SLC30A8: variants seen among roughly 807,000 people sequenced by gnomAD.
SLC30A8 encodes the protein proton-coupled zinc antiporter SLC30A8.
SLC30A8 carries 27 observed loss-of-function variants against 36.9 expected under a neutral mutation model. The observed-to-expected ratio is 0.73, with a 90% CI of 0.54 to 1.01. The LOEUF (loss-of-function observed/expected upper bound fraction) is 1.01, where lower values mean the gene tolerates loss of function less well. SLC30A8 is among the 50% of genes least tolerant of loss of function. The pLI, the probability that SLC30A8 is intolerant of heterozygous loss-of-function variation, is 0.00. For missense variants in SLC30A8, 439 were observed against 452.0 expected (o/e 0.97, Z 0.26); for synonymous variants, 164 against 172.4 (o/e 0.95, Z 0.38).
chr8:117,056,499 G>A (rs1817874877), intron 2 of SLC30A8, among the ~76,000 whole-genome samples: 1 of 152,070 alleles, frequency 6.6e-6, no homozygotes. Flanking sequence ...GGCTGGGTAG[G>A]TCCCAGGATA....
Position 117,135,414 on chromosome 8 carries a change from G to A in SLC30A8, c.71+16G>A. ...CACTAGAAAGGTAATAGATGTCTGT[G>A]TCTGCTTCACAATTTTCTCTGTTGA... On this transcript the variant is annotated intron_variant, in intron 1 of 7. Coordinates refer to ENST00000456015, the MANE Select transcript of SLC30A8 (RefSeq NM_173851.3). 6.4e-7 allele frequency: 1 copy of A among 1,558,264 alleles called. No homozygotes were observed. Among genetic ancestry groups the A allele is most frequent in the Non-Finnish European group, 8.7e-7 (1 of 1,144,518 alleles).
At chr8:117,002,436 C>T (rs1816040861) in intron 1 of SLC30A8, among the ~76,000 whole-genome samples, 1 of 152,084 alleles carries the variant, frequency 6.6e-6, no homozygotes, top group South Asian at 2.1e-4. Flanking sequence ...CCAGATCTAA[C>T]ATTGGTTATT....
intron 1 of SLC30A8, among the ~76,000 whole-genome samples, chr8:117,138,004 A>T (rs1283502705): frequency 7.0e-6 from 1 of 142,402 alleles, no homozygotes; most frequent in African/African-American, 2.6e-5. Flanking sequence ...TACCCTCTCC[A>T]TTCTCTCCAA....
At chr8:117,065,485 TAA>T (rs1446056402) in intron 2 of SLC30A8, among the ~76,000 whole-genome samples, 1 of 152,152 alleles carries the variant, frequency 6.6e-6, no homozygotes, top group Admixed American at 6.5e-5. Flanking sequence ...ATCCCTGGCC[TAA>T]GAGTCAGCAT....
At chr8:117,084,378 T>C (rs769318578) in intron 2 of SLC30A8, among the ~76,000 whole-genome samples, 3 of 152,158 alleles carry the variant, frequency 2.0e-5, no homozygotes, top group Non-Finnish European at 2.9e-5. Flanking sequence ...GAGAAGTACA[T>C]GTGGGACATT....
At chr8:116,994,433 G>A (rs1052059319) in intron 1 of SLC30A8, among the ~76,000 whole-genome samples, 1 of 152,034 alleles carries the variant, frequency 6.6e-6, no homozygotes, top group Admixed American at 6.6e-5. Context: ...ATTGTGGCAG[G>A]TCACTTGATA....
chr8:117,157,843 G>C lies in SLC30A8; in HGVS notation c.571G>C (p.Val191Leu). The change falls in exon 4 of 8, where the codon GTA becomes CTA. Residue 191 changes from valine to leucine, a missense_variant and splice_region_variant. Val to Leu is a conservative substitution (Grantham distance 32). Transcript: ENST00000456015. ...CAGCTGCGCAGTGGCGGCCAACATT[G>C]TGTAAGTCATCCCCTGGTCCCCACA... ...VSSCAVAANI[V>L]LTVVLHQRCL... The C allele has an allele frequency of 6.2e-7, 1 of 1,613,994 alleles. No homozygotes were observed. Among genetic ancestry groups the C allele is most frequent in the Non-Finnish European group, 8.5e-7 (1 of 1,179,944 alleles).
At chr8:117,082,114 T>C (rs1021751973) in intron 2 of SLC30A8, among the ~76,000 whole-genome samples, 1 of 152,202 alleles carries the variant, frequency 6.6e-6, no homozygotes, top group Non-Finnish European at 1.5e-5. Flanking sequence ...TTGGTTCCAC[T>C]AAGATAGAAA....
intron 1 of SLC30A8, 36 bp from the exon 2 acceptor site, chr8:117,146,918 A>G (rs200523051): frequency 1.6e-5 from 26 of 1,611,700 alleles, no homozygotes; most frequent in East Asian, 8.9e-5. Flanking sequence ...GTTTGCAACT[A>G]TGTTCACTTC....
rs562141164 is a variant in SLC30A8 at position 116,985,454 on chromosome 8, T to C, written c.-266+34335T>C. 5.3e-5 allele frequency among the ~76,000 whole-genome samples: 8 copies of C among 152,282 alleles called. No individual in the cohort carries two copies. In the South Asian group the frequency reaches 1.7e-3, roughly 32 times the overall value. On this transcript the variant is annotated intron_variant, in intron 1 of 10. Transcript: ENST00000427715. ...GCAAGGATAATATATATAACCTTCC[T>C]GCTAATAATAGAAAATTAGGTTTTT...
At chr8:117,089,973 C>G (rs1819037354) in intron 2 of SLC30A8, among the ~76,000 whole-genome samples, 1 of 149,800 alleles carries the variant, frequency 6.7e-6, no homozygotes, top group African/African-American at 2.4e-5. Context: ...CTTGATAATT[C>G]CTAATAATTT....
At chr8:117,073,762 C>T (rs1818408161) in intron 2 of SLC30A8, among the ~76,000 whole-genome samples, 1 of 151,994 alleles carries the variant, frequency 6.6e-6, no homozygotes, top group South Asian at 2.1e-4. Flanking sequence ...ATTATTTTAG[C>T]CTAGAGAATA....
chr8:116,976,798 TTTTCTTTCTTTCTTTC>T (rs142957728), intron 1 of SLC30A8, among the ~76,000 whole-genome samples: 1 of 125,524 alleles, frequency 8.0e-6, no homozygotes, highest in African/African-American at 3.3e-5. Context: ...CCCCTTTTAT[TTTTCTTTCTTTCTTTC>T]TTTCTTTCTT....
intron 2 of SLC30A8, among the ~76,000 whole-genome samples, chr8:117,103,314 T>C (rs1452357291): frequency 6.6e-6 from 1 of 151,948 alleles, no homozygotes; most frequent in Non-Finnish European, 1.5e-5. Flanking sequence ...ACAAGCAGAA[T>C]TTCAAGGAGT....
chr8:117,105,584 A>G (rs1819959314), intron 2 of SLC30A8, among the ~76,000 whole-genome samples: 2 of 152,148 alleles, frequency 1.3e-5, no homozygotes, highest in Admixed American at 6.6e-5. Flanking sequence ...TTTGTAGGGC[A>G]AGCCAGCAGC....
chr8:117,006,955 G>GTTTTTTTTTTTTTT lies in SLC30A8; in HGVS notation c.-265-32248_-265-32235dup. The GTTTTTTTTTTTTTT allele has an allele frequency of 7.9e-5, 3 of 38,122 alleles. 1 individual carries two copies. The highest frequency in any genetic ancestry group is 7.7e-4 in the East Asian group (1 of 1,300). 2.4% of individuals were successfully genotyped at this position (38,122 alleles called of 1,614,324 possible). Reference sequence around the variant, plus strand: ...CTGCCACCCCGCTTGGCTAATTCTTGTTTTTTTTTTTTTTTTTTTTTTTTT... The same window carrying GTTTTTTTTTTTTTT: ...CTGCCACCCCGCTTGGCTAATTCTTGTTTTTTTTTTTTTTTTTTTTTTTTTTTTTTTTTTTTTTT... On this transcript the variant is annotated intron_variant, in intron 1 of 10. Coordinates refer to the SLC30A8 transcript ENST00000427715.
intron 2 of SLC30A8, among the ~76,000 whole-genome samples, chr8:117,126,252 C>T (rs1820900143): frequency 6.6e-6 from 1 of 151,556 alleles, no homozygotes; most frequent in Non-Finnish European, 1.5e-5. Flanking sequence ...TGATAACAGG[C>T]TGGTTTTATG....
At chr8:116,962,901 G>A (rs1232259562) in intron 1 of SLC30A8, among the ~76,000 whole-genome samples, 4 of 151,924 alleles carry the variant, frequency 2.6e-5, no homozygotes, top group South Asian at 2.1e-4. Flanking sequence ...ACTTTCCCAT[G>A]TGCCAAAGCA....
At chr8:117,108,412 G>A (rs779511222) in intron 2 of SLC30A8, among the ~76,000 whole-genome samples, 16 of 152,178 alleles carry the variant, frequency 1.1e-4, no homozygotes, top group Non-Finnish European at 2.1e-4. Flanking sequence ...AATTTTATTT[G>A]TATAGAACCT....
Sources: allele counts gnomAD v4.1 joint callset (sites outside exome capture counted in the v4.1 genomes callset), GRCh38; gene constraint gnomAD v4.1.1; transcripts MANE v1.5; gene names NCBI Gene and HGNC (gene_info 2026-07-23, HGNC 2026-07-21).